ZNF280C: variants seen among roughly 807,000 people sequenced by gnomAD.
ZNF280C encodes the protein zinc finger protein 280C.
In ZNF280C, 14 loss-of-function variants were observed where a neutral mutation model predicts 53.6. The observed-to-expected ratio is 0.26, with a 90% CI of 0.17 to 0.41. The LOEUF is 0.41. Ranked by LOEUF, ZNF280C falls within the 10% of genes least tolerant of loss-of-function variation. ZNF280C has a pLI of 1.00. For synonymous variants in ZNF280C, 203 were observed against 181.1 expected, an observed-to-expected ratio of 1.12 and a Z score of -0.97; for missense variants, 416 against 547.1, an observed-to-expected ratio of 0.76 and a Z score of 2.39.
At chrX:130,212,018 A>G (rs1201481823) in intron 15 of ZNF280C, among the ~76,000 whole-genome samples, 3 of 111,638 alleles carry the variant, frequency 2.7e-5, no homozygotes, top group African/African-American at 9.8e-5. Context: ...CTTTAGAGAA[A>G]CTGGGGTATA....
intron 12 of ZNF280C, among the ~76,000 whole-genome samples, chrX:130,223,877 T>C (rs1603241251): frequency 8.9e-6 from 1 of 112,289 alleles, no homozygotes; most frequent in South Asian, 3.7e-4. Flanking sequence ...ATCTAAATTA[T>C]AAGCTTATAA....
At chrX:130,223,122 A>G (rs2032186659) in intron 12 of ZNF280C, among the ~76,000 whole-genome samples, 1 of 110,012 alleles carries the variant, frequency 9.1e-6, no homozygotes, top group Non-Finnish European at 1.9e-5. Flanking sequence ...GAGTGGCATG[A>G]TCTTGGCTCA....
intron 5 of ZNF280C, among the ~76,000 whole-genome samples, chrX:130,243,079 T>C (rs1047019779): frequency 8.9e-6 from 1 of 112,397 alleles, no homozygotes; most frequent in African/African-American, 3.2e-5. Flanking sequence ...CTGCAGTTAT[T>C]ATTTTGGGTT....
intron 15 of ZNF280C, among the ~76,000 whole-genome samples, chrX:130,211,670 T>C (rs2032042801): frequency 9.0e-6 from 1 of 110,937 alleles, no homozygotes; most frequent in Admixed American, 9.7e-5. Flanking sequence ...CTAGATGAGG[T>C]TAATGATGAG....
intron 12 of ZNF280C, among the ~76,000 whole-genome samples, chrX:130,223,392 T>C (rs1394723755): frequency 8.9e-6 from 1 of 112,071 alleles, no homozygotes; most frequent in Admixed American, 9.5e-5. Context: ...CTATCTGTAA[T>C]TTCTGCCTTT....
At chrX:130,267,909 C>G (rs909996295) in intron 1 of ZNF280C, among the ~76,000 whole-genome samples, 2 of 112,008 alleles carry the variant, frequency 1.8e-5, no homozygotes, top group Non-Finnish European at 3.8e-5. Flanking sequence ...ACTAACAAAT[C>G]TTTCCAAACA....
rs1001029673 is a variant in ZNF280C, at chrX:130,202,776, AT to A, written c.*2200del. The stretch of plus-strand genomic sequence containing the variant: ...TAACAATACAAATTTTATTAAAAAA[AT>A]AACATCAAAACTGTTCAGCAAATCT... On this transcript the variant is annotated 3_prime_UTR_variant, in exon 19 of 19. Transcript: ENST00000370978. 3.6e-5 allele frequency: 4 copies of A among 111,495 alleles called. No individual in the cohort carries two copies. Among genetic ancestry groups the A allele is most frequent in the African/African-American group, 1.3e-4 (4 of 30,681 alleles). The allele number at this position is 111,495 out of a possible 1,213,427, so 9.2% of individuals were successfully genotyped here. A position where few individuals can be genotyped will look rare whatever the true frequency, so the allele number is the denominator to read the frequency against.
At chrX:130,241,226 T>TA (rs2032386895) in intron 5 of ZNF280C, among the ~76,000 whole-genome samples, 1 of 112,071 alleles carries the variant, frequency 8.9e-6, no homozygotes, top group Admixed American at 9.5e-5. Context: ...GATAATGAAA[T>TA]AGATTTAAAT....
At chrX:130,255,999 G>A (rs1446079252) in intron 2 of ZNF280C, among the ~76,000 whole-genome samples, 1 of 111,089 alleles carries the variant, frequency 9.0e-6, no homozygotes, top group African/African-American at 3.3e-5. Flanking sequence ...CAGGCATGGT[G>A]GTGTGCACTC....
chrX:130,209,473 T>C (rs992137847), intron 16 of ZNF280C, among the ~76,000 whole-genome samples, 180 bp downstream of exon 16: 2 of 111,957 alleles, frequency 1.8e-5, no homozygotes, highest in Non-Finnish European at 3.8e-5. Flanking sequence ...TACATGAAGG[T>C]TTCATCTTAA....
chrX:130,265,402 G>T (rs947624834), intron 1 of ZNF280C, among the ~76,000 whole-genome samples: 2 of 112,224 alleles, frequency 1.8e-5, no homozygotes, highest in African/African-American at 6.5e-5. Context: ...ATATGTAAAA[G>T]ATATAATATG....
chrX:130,221,257 C>T lies in ZNF280C; in HGVS notation c.1396-777G>A, dbSNP rs140331359. On this transcript the variant is annotated intron_variant, in intron 12 of 18. Transcript: ENST00000370978. The stretch of plus-strand genomic sequence containing the variant: ...GGTACAGTAAACACAAACAGATTTA[C>T]CTGTAGGTGCTCAAGAGAGAAGGGG... Among the ~76,000 whole-genome samples the T allele has an allele frequency of 1.1e-4, 12 of 111,490 alleles. No individual in the cohort carries two copies. The East Asian group carries it at 3.1e-3, about 29-fold the overall frequency.
chrX:130,246,268 T>C (rs946195116), intron 3 of ZNF280C, among the ~76,000 whole-genome samples: 4 of 112,102 alleles, frequency 3.6e-5, no homozygotes, highest in African/African-American at 6.5e-5. Flanking sequence ...CCCTCCTTCA[T>C]GAATATAAAC....
intron 15 of ZNF280C, among the ~76,000 whole-genome samples, chrX:130,213,598 A>T (rs1002289025): frequency 8.9e-6 from 1 of 111,887 alleles, no homozygotes; most frequent in African/African-American, 3.3e-5. Context: ...AAAACAGAAG[A>T]CCTTGAGGGC....
chrX:130,212,541 A>G (rs1399048215), intron 15 of ZNF280C, among the ~76,000 whole-genome samples: 2 of 106,103 alleles, frequency 1.9e-5, no homozygotes, highest in African/African-American at 6.9e-5. Flanking sequence ...AAGAATGAAA[A>G]ATAATGAGTA....
At chrX:130,238,375 T>C (rs1321503350) in intron 6 of ZNF280C, among the ~76,000 whole-genome samples, 1 of 111,519 alleles carries the variant, frequency 9.0e-6, no homozygotes, top group Non-Finnish European at 1.9e-5. Context: ...GAATAAATGC[T>C]TTATGTGAGA....
intron 2 of ZNF280C, among the ~76,000 whole-genome samples, chrX:130,251,298 A>AAAAAAAAAAAAAAAAAAAAAAAAC (rs2032506219): frequency 9.8e-6 from 1 of 102,378 alleles, no homozygotes; most frequent in African/African-American, 3.6e-5. Flanking sequence ...AAAAAAAAAA[A>AAAAAAAAAAAAAAAAAAAAAAAAC]AAAAAAAAAG....
chrX:130,239,807 A>C, intron 5 of ZNF280C, 114 bp from the exon 6 acceptor site: 1 of 407,063 alleles, frequency 2.5e-6, no homozygotes, highest in Non-Finnish European at 4.2e-6. Flanking sequence ...TATAAAACAC[A>C]AAGGTAATTA....
At chrX:130,243,723 T>G in intron 4 of ZNF280C, 24 bp from the exon 5 acceptor site, 1 of 1,179,660 alleles carries the variant, frequency 8.5e-7, no homozygotes, top group Non-Finnish European at 1.1e-6. Flanking sequence ...TTATACAACA[T>G]ATTGAATATA....
Sources: allele counts gnomAD v4.1 joint callset (sites outside exome capture counted in the v4.1 genomes callset), GRCh38; gene constraint gnomAD v4.1.1; transcripts MANE v1.5; gene names NCBI Gene and HGNC (gene_info 2026-07-23, HGNC 2026-07-21).